NOTCH4: variants seen among roughly 807,000 people sequenced by gnomAD.
The protein encoded by NOTCH4 is notch receptor 4.
Under a neutral mutation model 189.0 loss-of-function variants are expected in NOTCH4, and 138 were observed. That is an observed-to-expected ratio of 0.73 (90% CI 0.64 to 0.84). The LOEUF (loss-of-function observed/expected upper bound fraction) is 0.84, where lower values mean the gene tolerates loss of function less well. Ranked by LOEUF, NOTCH4 falls within the 40% of genes least tolerant of loss-of-function variation. NOTCH4 has a pLI of 0.00. For missense variants in NOTCH4, 2,286 were observed against 2,605.4 expected (o/e 0.88, Z 2.67); for synonymous variants, 942 against 1,032.8 (o/e 0.91, Z 1.69).
chr6:32,195,741 A>C lies in NOTCH4; in HGVS notation c.5708T>G (p.Val1903Gly). Residue 1903 changes from valine to glycine, a missense_variant, in exon 30 of 30, where the codon GTA becomes GGA. Coordinates refer to ENST00000375023, the MANE Select transcript of NOTCH4 (RefSeq NM_004557.4). The surrounding 1 kb of genome is among the most constrained non-coding windows in gnomAD (Gnocchi z 5.4). Reference sequence around the variant, plus strand: ...AGGGGTCGGGCCTCCTCCTGCTCCTACTCCCGAGAGGCTCCGGCAATGAGA... The same window carrying C: ...AGGGGTCGGGCCTCCTCCTGCTCCTCCTCCCGAGAGGCTCCGGCAATGAGA... ...AYSHCRSLSGVGAGGGPTPRG... is the reference protein window; with the variant it reads ...AYSHCRSLSGGGAGGGPTPRG... 1 of 1,611,664 alleles carries C rather than the reference A, an allele frequency of 6.2e-7. No homozygotes were observed. The highest frequency in any genetic ancestry group is 1.1e-5 in the South Asian group (1 of 91,018).
rs1789791803 is a variant in NOTCH4, at chr6:32,221,728, G to C, written c.452-403C>G. Among the ~76,000 whole-genome samples, 1 of 152,086 alleles carries C rather than the reference G, an allele frequency of 6.6e-6. No homozygotes were observed. Among genetic ancestry groups the C allele is most frequent in the African/African-American group, 2.4e-5 (1 of 41,404 alleles). ...ATCCTCATTTCCTAATCTTTAAGTGGGTTTAGGCACCTGGAGACTCACTTC... is the reference window on the plus strand; with the variant it reads ...ATCCTCATTTCCTAATCTTTAAGTGCGTTTAGGCACCTGGAGACTCACTTC... On this transcript the variant is annotated intron_variant, in intron 3 of 29. Coordinates refer to ENST00000375023, the MANE Select transcript of NOTCH4 (RefSeq NM_004557.4). The surrounding 1 kb of genome is among the most constrained non-coding windows in gnomAD (Gnocchi z 4.3).
In NOTCH4 at chr6:32,219,515, A is replaced by G. The variant is rs1169449825; in HGVS notation, c.1510+77T>C. The G allele has an allele frequency of 2.2e-6, 3 of 1,334,448 alleles. No homozygotes were observed. In the East Asian group the frequency reaches 7.3e-5, roughly 33 times the overall value. 82.7% of individuals were successfully genotyped at this position (1,334,448 alleles called of 1,614,324 possible). A position where few individuals can be genotyped will look rare whatever the true frequency, so the allele number is the denominator to read the frequency against. On this transcript the variant is annotated intron_variant, in intron 8 of 29. Coordinates refer to ENST00000375023, the MANE Select transcript of NOTCH4 (RefSeq NM_004557.4). ...CGCCAATTGGCCTGAAGCTGTCCTT[A>G]CTCTGGAGGGGGCATTCCTAGTGGG...
chr6:32,202,313 G>T lies in NOTCH4; in HGVS notation c.3518C>A (p.Pro1173His), dbSNP rs752853644. Residue 1173 changes from proline to histidine, a missense_variant, in exon 21 of 30, where the codon CCC becomes CAC. Coordinates refer to ENST00000375023, the MANE Select transcript of NOTCH4 (RefSeq NM_004557.4). The surrounding 1 kb of genome is among the most constrained non-coding windows in gnomAD (Gnocchi z 5.7). ...HSSPGPRCQK[P>H]GAKGCEGRSG... ...TCTGCCCTCACACCCCTTGGCTCCGGGTTTCTGACACCGGGGCCCTGGAGA... is the reference window on the plus strand; with the variant it reads ...TCTGCCCTCACACCCCTTGGCTCCGTGTTTCTGACACCGGGGCCCTGGAGA... The T allele has an allele frequency of 1.2e-6, 2 of 1,612,576 alleles. No individual in the cohort carries two copies. The highest frequency in any genetic ancestry group is 1.1e-5 in the South Asian group (1 of 91,068).
At position 32,195,776 on chromosome 6, in the gene NOTCH4, GC is replaced by G. The variant is rs777647776; in HGVS notation, c.5672del (p.Gly1891AlafsTer13). On this transcript the variant is annotated frameshift_variant, in exon 30 of 30. Coordinates refer to ENST00000375023, the MANE Select transcript of NOTCH4 (RefSeq NM_004557.4). LOFTEE classifies it low-confidence loss of function (END_TRUNC). This position sits in a 1 kb window ranked among gnomAD's most constrained non-coding sequence, Gnocchi z 5.4. ...TWSVDLAARGGGAYSHCRSLS... is the reference protein window; with the variant it reads ...TWSVDLAARGXGAYSHCRSLS... Reference sequence around the variant, plus strand: ...GGCTCCGGCAATGAGAATAGGCCCCGCCCCCCCGCGCAGCCAAGTCTACGGA... The same window carrying G: ...GGCTCCGGCAATGAGAATAGGCCCCGCCCCCCGCGCAGCCAAGTCTACGGA... 9 of 1,607,420 alleles carry G rather than the reference GC, an allele frequency of 5.6e-6. No homozygotes were observed. Among genetic ancestry groups the G allele is most frequent in the South Asian group, 2.2e-5 (2 of 90,960 alleles).
chr6:32,201,067 C>A lies in NOTCH4; in HGVS notation c.4139+50G>T. ...TCCCTGGCTCCCTTTCCTCCCTCTG[C>A]CCTCTTAAAAAAACTGGTGTCTGGC... On this transcript the variant is annotated intron_variant, in intron 22 of 29. Transcript: ENST00000375023. This position sits in a 1 kb window ranked among gnomAD's most constrained non-coding sequence, Gnocchi z 5.5. 1 of 1,571,928 alleles carries A rather than the reference C, an allele frequency of 6.4e-7. No individual in the cohort carries two copies.
chr6:32,207,400 G>A (rs915042366), intron 18 of NOTCH4, among the ~76,000 whole-genome samples: 1 of 151,326 alleles, frequency 6.6e-6, no homozygotes, highest in African/African-American at 2.4e-5. Context: ...GAGGTGGGTG[G>A]ATCACCTGAG....
chr6:32,213,930 C>A (rs2127479154), intron 13 of NOTCH4, 90 bp from the exon 14 acceptor site: 2 of 1,516,070 alleles, frequency 1.3e-6, no homozygotes, highest in Non-Finnish European at 1.8e-6. Context: ...TTCCTCATCC[C>A]CAACCCTATT....
At chr6:32,219,527 G>C in intron 8 of NOTCH4, 65 bp downstream of exon 8, 1 of 1,406,202 alleles carries the variant, frequency 7.1e-7, no homozygotes, top group Non-Finnish European at 9.8e-7. Flanking sequence ...TCTGGAGGGG[G>C]CATTCCTAGT....
chr6:32,207,863 C>T lies in NOTCH4; in HGVS notation c.2865+2889G>A, dbSNP rs149821964. 4.2e-3 allele frequency among the ~76,000 whole-genome samples: 637 copies of T among 151,328 alleles called. 5 individuals carry two copies. Among genetic ancestry groups the T allele is most frequent in the African/African-American group, 0.014 (590 of 41,168 alleles). On this transcript the variant is annotated intron_variant, in intron 18 of 29. Transcript: ENST00000375023. ...CTAAAAATACAAAAAAATAGCTGGG[C>T]GTGGTGGTGGGCACCTGTAAATTCC...
In NOTCH4 at chr6:32,201,325, G is replaced by T. The variant is rs1561919266; in HGVS notation, c.3931C>A (p.Gln1311Lys). 1 of 1,612,594 alleles carries T rather than the reference G, an allele frequency of 6.2e-7. No homozygotes were observed. Among genetic ancestry groups the T allele is most frequent in the East Asian group, 2.2e-5 (1 of 44,884 alleles). Residue 1311 changes from glutamine (Q) to lysine (K), a missense_variant, in exon 22 of 30, where the codon CAG becomes AAG. Around this residue, in one of 2 missense-constraint regions of NOTCH4, gnomAD observed 1,903 missense variants for 2,261.9 expected, o/e 0.84. Transcript: ENST00000375023. This position sits in a 1 kb window ranked among gnomAD's most constrained non-coding sequence, Gnocchi z 5.5. Reference protein sequence around the residue: ...VVLSPPALDQQLFALARVLSL... With the variant: ...VVLSPPALDQKLFALARVLSL... The stretch of plus-strand genomic sequence containing the variant: ...AGCACCCGGGCCAGGGCAAACAGCT[G>T]CTGGTCTAGGGCTGGGGGGCTCAGT...
In NOTCH4 at chr6:32,195,733, C is replaced by T; in HGVS notation, c.5716G>A (p.Gly1906Arg). ...HCRSLSGVGA[G>R]GGPTPRGRRF... The stretch of plus-strand genomic sequence containing the variant: ...CGGCCGCGAGGGGTCGGGCCTCCTC[C>T]TGCTCCTACTCCCGAGAGGCTCCGG... Residue 1906 changes from glycine to arginine, a missense_variant, in exon 30 of 30, where the codon GGA becomes AGA. By Grantham distance (125) the Gly-to-Arg change is moderately radical. Coordinates refer to ENST00000375023, the MANE Select transcript of NOTCH4 (RefSeq NM_004557.4). The surrounding 1 kb of genome is among the most constrained non-coding windows in gnomAD (Gnocchi z 5.4). 1 of 1,612,716 alleles carries T rather than the reference C, an allele frequency of 6.2e-7. No individual in the cohort carries two copies. Among genetic ancestry groups the T allele is most frequent in the African/African-American group, 1.3e-5 (1 of 75,080 alleles).
chr6:32,219,713 A>G lies in NOTCH4; in HGVS notation c.1389T>C (p.Cys463=). 1 of 1,613,082 alleles carries G rather than the reference A, an allele frequency of 6.2e-7. No individual in the cohort carries two copies. The highest frequency in any genetic ancestry group is 1.1e-5 in the South Asian group (1 of 91,054). Residue 463 remains cysteine, a synonymous_variant, in exon 8 of 30, where the codon TGT becomes TGC. Coordinates refer to ENST00000375023, the MANE Select transcript of NOTCH4 (RefSeq NM_004557.4). ...AACGGGAGCCTGTGTAGCCAGGTGG[A>G]CAGAGGCAGTTGAAGGAGCCAGGAG... ...LNTPGSFNCL[C]PPGYTGSRCE... is the part of the protein sequence containing the mutation.
chr6:32,207,150 C>T lies in NOTCH4; in HGVS notation c.2866-2761G>A, dbSNP rs932281949. ...TTCACTATGTTGGTCAGGCTGGTCT[C>T]GAACTCCTGACCTTGTGATCTGCCC... On this transcript the variant is annotated intron_variant, in intron 18 of 29. Transcript: ENST00000375023. Among the ~76,000 whole-genome samples the T allele has an allele frequency of 2.6e-5, 4 of 151,226 alleles. No homozygotes were observed. The East Asian group carries it at 6.2e-4, about 23-fold the overall frequency.
chr6:32,203,886 T>C lies in NOTCH4; in HGVS notation c.3119-4A>G. On this transcript the variant is annotated splice_polypyrimidine_tract_variant and splice_region_variant and intron_variant, in intron 19 of 29. Transcript: ENST00000375023. ...ATCTCCACCTCACACCACTGGCCTG[T>C]AATTATGGGGGAGATTAGATGTCAC... is the stretch of plus-strand genomic sequence containing the variant. 1 of 1,551,796 alleles carries C rather than the reference T, an allele frequency of 6.4e-7. No homozygotes were observed. The highest frequency in any genetic ancestry group is 8.7e-7 in the Non-Finnish European group (1 of 1,147,052).
rs1216927360 is a variant in NOTCH4, at chr6:32,199,437, G to T, written c.4316-292C>A. Among the ~76,000 whole-genome samples, 1 of 152,126 alleles carries T rather than the reference G, an allele frequency of 6.6e-6. No homozygotes were observed. The highest frequency in any genetic ancestry group is 1.5e-5 in the Non-Finnish European group (1 of 68,034). ...TAAAAATTAGTGGCTGGGTGTAGTG[G>T]CTTACTCCTATAATCTCAGCACTTT... On this transcript the variant is annotated intron_variant, in intron 23 of 29. Transcript: ENST00000375023. This position sits in a 1 kb window ranked among gnomAD's most constrained non-coding sequence, Gnocchi z 4.9.
In NOTCH4 at chr6:32,214,290, TCTC is replaced by T. The variant is rs756119805; in HGVS notation, c.2022-38_2022-36del. The T allele has an allele frequency of 8.7e-6, 14 of 1,608,048 alleles. No homozygotes were observed. In the South Asian group the frequency reaches 1.4e-4, roughly 17 times the overall value. The stretch of plus-strand genomic sequence containing the variant: ...AAGAGAAAGGGGAGGGTTTTTCTCT[TCTC>T]CTACTGCTTATGTTCCCCTCCCTGC... On this transcript the variant is annotated intron_variant, in intron 12 of 29. Transcript: ENST00000375023.
Position 32,198,419 on chromosome 6 carries a change from A to G in NOTCH4, c.4756+2T>C, listed in dbSNP as rs1205297738. 3 of 1,610,432 alleles carry G rather than the reference A, an allele frequency of 1.9e-6. No homozygotes were observed. Among genetic ancestry groups the G allele is most frequent in the Non-Finnish European group, 2.5e-6 (3 of 1,179,180 alleles). ...TTTCTTGGTCTGGGTTGACTCACAT[A>G]CCAGGTCCACGGGTGTCCAGGTCAG... On this transcript the variant is annotated splice_donor_variant, in intron 26 of 29. Transcript: ENST00000375023. LOFTEE classifies it high-confidence loss of function. This position sits in a 1 kb window ranked among gnomAD's most constrained non-coding sequence, Gnocchi z 5.5.
At chr6:32,213,584 G>C in intron 14 of NOTCH4, 104 bp downstream of exon 14, 2 of 1,330,682 alleles carry the variant, frequency 1.5e-6, no homozygotes, top group African/African-American at 1.5e-5. Context: ...TGTTTCCCAG[G>C]CTGGTCTGTT....
intron 26 of NOTCH4, among the ~76,000 whole-genome samples, chr6:32,197,882 C>T (rs1237567508): frequency 1.4e-5 from 2 of 146,534 alleles, no homozygotes; most frequent in Admixed American, 7.0e-5. Flanking sequence ...AGTGCAGTGG[C>T]GCGATCTCGG....
Sources: allele counts gnomAD v4.1 joint callset (sites outside exome capture counted in the v4.1 genomes callset), GRCh38; gene constraint gnomAD v4.1.1; regional missense constraint gnomAD v4.1.1; non-coding constraint Gnocchi (gnomAD v3.1); transcripts MANE v1.5; gene names NCBI Gene and HGNC (gene_info 2026-07-23, HGNC 2026-07-21).